MSN: variants seen among roughly 807,000 people sequenced by gnomAD.
The protein encoded by MSN is moesin, also known as epididymis luminal protein 70.
Under a neutral mutation model 48.0 loss-of-function variants are expected in MSN, and 2 were observed. That is an observed-to-expected ratio of 0.04 (90% CI 0.02 to 0.13). The LOEUF is 0.13. Among genes scored for constraint, MSN ranks in the 10% least tolerant of loss-of-function variants. The probability of loss-of-function intolerance (pLI) is 1.00; values close to 1 mark genes in which losing one functional copy is unlikely to be tolerated. For missense variants in MSN, 267 were observed against 470.1 expected (o/e 0.57, Z 3.99); for synonymous variants, 146 against 166.9 (o/e 0.87, Z 0.97).
chrX:65,631,615 G>A (rs886658511), intron 1 of MSN, among the ~76,000 whole-genome samples: 6 of 111,139 alleles, frequency 5.4e-5, no homozygotes, highest in Non-Finnish European at 9.4e-5. Flanking sequence ...TTGATGCACC[G>A]CAGCTTGTTT....
intron 1 of MSN, among the ~76,000 whole-genome samples, chrX:65,604,256 A>G (rs908196824): frequency 4.5e-5 from 5 of 112,058 alleles, no homozygotes; most frequent in African/African-American, 6.5e-5. Flanking sequence ...AGGGAGCAAT[A>G]TGACAGCTTT....
Position 65,689,407 on chromosome X carries a change from A to G in MSN, c.12+21554A>G, listed in dbSNP as rs192673117. Among the ~76,000 whole-genome samples, 14 of 111,780 alleles carry G rather than the reference A, an allele frequency of 1.3e-4. No homozygotes were observed. The East Asian group carries it at 3.9e-3, about 31-fold the overall frequency. On this transcript the variant is annotated intron_variant, in intron 1 of 12. Transcript: ENST00000360270. ...CTGTGTCTGAATTTTGTAAGGGAGC[A>G]TAACTGGGTGGAGGGGTGAACAGGC...
At chrX:65,691,785 C>T (rs936736237) in intron 1 of MSN, among the ~76,000 whole-genome samples, 5 of 112,166 alleles carry the variant, frequency 4.5e-5, no homozygotes, top group Non-Finnish European at 7.5e-5. Context: ...GGATTACAGG[C>T]GTGAGCCACT....
At chrX:65,677,451 G>A (rs1424196849) in intron 1 of MSN, among the ~76,000 whole-genome samples, 1 of 112,137 alleles carries the variant, frequency 8.9e-6, no homozygotes, top group Non-Finnish European at 1.9e-5. Flanking sequence ...GAAAATATCA[G>A]CAATATTAGA....
At chrX:65,693,557 G>T (rs982152774) in intron 1 of MSN, among the ~76,000 whole-genome samples, 1 of 111,984 alleles carries the variant, frequency 8.9e-6, no homozygotes, top group Non-Finnish European at 1.9e-5. Context: ...CCTAAGTAGA[G>T]TTGCCTCAGG....
At chrX:65,714,973 A>G in intron 1 of MSN, among the ~76,000 whole-genome samples, 2 of 112,194 alleles carry the variant, frequency 1.8e-5, no homozygotes. Context: ...TAAGTCTTTA[A>G]TACATATAGA....
chrX:65,611,803 G>A (rs1195965633), intron 1 of MSN, among the ~76,000 whole-genome samples: 2 of 111,011 alleles, frequency 1.8e-5, no homozygotes, highest in South Asian at 3.8e-4. Context: ...GTTTTCCAAA[G>A]TGCCTGTACC....
chrX:65,729,081 T>G (rs1174281082), intron 3 of MSN, among the ~76,000 whole-genome samples: 1 of 112,117 alleles, frequency 8.9e-6, no homozygotes, highest in Non-Finnish European at 1.9e-5. Flanking sequence ...CTTACTTTGC[T>G]AATTTATGAA....
rs1168302693 is a variant in MSN at position 65,641,550 on chromosome X, GTATATATATATATATATA to G, written c.-22+52972_-22+52989del. ...GTCTCAAAAAAAAAAAAAAAGTGAA[GTATATATATATATATATA>G]TATATATATATATATATATATATAT... On this transcript the variant is annotated intron_variant, in intron 1 of 3. Coordinates refer to the MSN transcript ENST00000609672. 9.6e-3 allele frequency among the ~76,000 whole-genome samples: 147 copies of G among 15,388 alleles called. 1 individual carries two copies. Among genetic ancestry groups the G allele is most frequent in the African/African-American group, 0.015 (64 of 4,213 alleles). The allele number at this position is 15,388 out of a possible 115,157, so 13.4% of individuals were successfully genotyped here.
intron 1 of MSN, among the ~76,000 whole-genome samples, chrX:65,592,061 C>G (rs781424254): frequency 1.8e-5 from 2 of 109,593 alleles, no homozygotes; most frequent in African/African-American, 6.7e-5. Flanking sequence ...CATTGCTCCC[C>G]GTACTGCTCC....
chrX:65,737,920 A>C (rs2147519629), intron 10 of MSN, among the ~76,000 whole-genome samples: 1 of 112,100 alleles, frequency 8.9e-6, no homozygotes, highest in South Asian at 3.7e-4. Context: ...CACAGTTTCC[A>C]AGGGTTCTGT....
At chrX:65,685,018 C>T (rs923300840) in intron 1 of MSN, among the ~76,000 whole-genome samples, 2 of 112,550 alleles carry the variant, frequency 1.8e-5, no homozygotes, top group Non-Finnish European at 3.8e-5. Context: ...GGATTAAAGG[C>T]GTGAGCCACC....
At chrX:65,714,194 C>A (rs1043829664) in intron 1 of MSN, among the ~76,000 whole-genome samples, 1 of 112,155 alleles carries the variant, frequency 8.9e-6, no homozygotes, top group African/African-American at 3.2e-5. Flanking sequence ...TACTAACATA[C>A]ATTTTCTTTA....
chrX:65,718,193 G>A (rs1264987856), intron 2 of MSN, among the ~76,000 whole-genome samples: 2 of 110,751 alleles, frequency 1.8e-5, no homozygotes, highest in Non-Finnish European at 3.8e-5. Flanking sequence ...TTTTACAGAT[G>A]AGGACACAAA....
intron 1 of MSN, among the ~76,000 whole-genome samples, chrX:65,623,319 T>C (rs185861701): frequency 9.2e-6 from 1 of 108,476 alleles, no homozygotes; most frequent in East Asian, 2.8e-4. Context: ...AAGAGTTTCA[T>C]AAGGGATGTT....
chrX:65,737,139 T>C (rs1482415652), intron 9 of MSN, 39 bp from the exon 10 acceptor site: 3 of 1,184,992 alleles, frequency 2.5e-6, no homozygotes. Context: ...TCTTTATCTC[T>C]GTGCTCTTCA....
chrX:65,681,168 T>C (rs1031144540), intron 1 of MSN, among the ~76,000 whole-genome samples: 8 of 111,609 alleles, frequency 7.2e-5, no homozygotes, highest in Non-Finnish European at 1.1e-4. Flanking sequence ...CCCCACTCCA[T>C]GTCACTTCCA....
intron 1 of MSN, chrX:65,588,983 G>A (rs1261011754): frequency 1.4e-5 from 2 of 138,767 alleles, no homozygotes; most frequent in Non-Finnish European, 1.4e-5. Context: ...CTGCTGAGGA[G>A]TGCCCAGGAC....
chrX:65,707,504 G>T (rs193245989), intron 1 of MSN, among the ~76,000 whole-genome samples: 212 of 111,933 alleles, frequency 1.9e-3, no homozygotes, highest in Non-Finnish European at 2.9e-3. Flanking sequence ...TCAGGGCCTG[G>T]CTTAGGCAGG....
Sources: allele counts gnomAD v4.1 joint callset (sites outside exome capture counted in the v4.1 genomes callset), GRCh38; gene constraint gnomAD v4.1.1; transcripts MANE v1.5; gene names NCBI Gene and HGNC (gene_info 2026-07-23, HGNC 2026-07-21).